Variants in PACRGL observed in about 807,000 individuals in gnomAD.
PACRGL encodes PACRG-like protein.
PACRGL carries 38 observed loss-of-function variants against 34.5 expected under a neutral mutation model. The observed-to-expected ratio is 1.10, with a 90% CI of 0.85 to 1.44. The LOEUF (loss-of-function observed/expected upper bound fraction) is 1.44, where lower values mean the gene tolerates loss of function less well. PACRGL is among the 40% of genes most tolerant of loss of function. The probability of loss-of-function intolerance (pLI) is 0.00; values close to 1 mark genes in which losing one functional copy is unlikely to be tolerated. For synonymous variants in PACRGL, 128 were observed against 100.1 expected (o/e 1.28, Z -1.66); for missense variants, 305 against 281.4 (o/e 1.08, Z -0.60).
chr4:20,715,877 A>G (rs1560332053), intron 7 of PACRGL, among the ~76,000 whole-genome samples: 2 of 152,174 alleles, frequency 1.3e-5, no homozygotes, highest in African/African-American at 4.8e-5. Context: ...AAAAAAACCA[A>G]AAGTCGAATG....
chr4:20,762,040 C>T, the PACRGL span, among the ~76,000 whole-genome samples: 2 of 152,166 alleles, frequency 1.3e-5, no homozygotes, highest in Non-Finnish European at 2.9e-5. Context: ...TTTGTTCAGG[C>T]TCCTTTAACA....
At chr4:20,707,344 A>G (rs1045227998) in intron 3 of PACRGL, among the ~76,000 whole-genome samples, 1 of 152,194 alleles carries the variant, frequency 6.6e-6, no homozygotes, top group Non-Finnish European at 1.5e-5. Context: ...CCCCATCTTC[A>G]ATTCTCTCCC....
intron 8 of PACRGL, among the ~76,000 whole-genome samples, chr4:20,750,271 C>T (rs1273558197): frequency 2.0e-5 from 3 of 152,066 alleles, no homozygotes; most frequent in Non-Finnish European, 4.4e-5. Context: ...GAACTTAGGT[C>T]TTTCTGACTC....
the PACRGL span, among the ~76,000 whole-genome samples, chr4:20,760,058 A>T: frequency 6.6e-6 from 1 of 152,278 alleles, no homozygotes; most frequent in Admixed American, 6.5e-5. Context: ...GGGCGACTAT[A>T]TTTATTGACA....
At chr4:20,698,429 A>G (rs912901144), upstream of PACRGL, among the ~76,000 whole-genome samples, 1 of 152,122 alleles carries the variant, frequency 6.6e-6, no homozygotes, top group African/African-American at 2.4e-5. Context: ...TATTACTCCT[A>G]TCGCCCAACT....
intron 7 of PACRGL, 37 bp from the exon 8 acceptor site, chr4:20,724,771 A>C (rs1014364396): frequency 8.8e-6 from 11 of 1,255,392 alleles, no homozygotes; most frequent in Non-Finnish European, 1.2e-5. Context: ...TGTTAAGTTT[A>C]AAGTCATTTC....
chr4:20,725,095 G>A (rs1745059559), intron 8 of PACRGL, among the ~76,000 whole-genome samples: 1 of 152,114 alleles, frequency 6.6e-6, no homozygotes, highest in Non-Finnish European at 1.5e-5. Context: ...CCAGACTCAG[G>A]TTGAATAAAT....
At chr4:20,757,337 T>C (rs1425790994), downstream of PACRGL, among the ~76,000 whole-genome samples, 1 of 152,194 alleles carries the variant, frequency 6.6e-6, no homozygotes, top group Non-Finnish European at 1.5e-5. Flanking sequence ...TCTCCCTGCC[T>C]GCAGTATTGC....
intron 8 of PACRGL, among the ~76,000 whole-genome samples, chr4:20,739,923 T>C (rs1372169043): frequency 6.6e-6 from 1 of 152,132 alleles, no homozygotes; most frequent in Non-Finnish European, 1.5e-5. Context: ...CTGAAAACCA[T>C]GGCACAAGAA....
At chr4:20,735,119 C>T (rs6447978), downstream of PACRGL, among the ~76,000 whole-genome samples, 49,601 of 151,788 alleles carry the variant, frequency 0.33, 8,562 homozygotes, top group African/African-American at 0.43. Flanking sequence ...AATGAAAAAC[C>T]GTTTGCTAAT....
chr4:20,740,391 C>T (rs1352953588), intron 8 of PACRGL, among the ~76,000 whole-genome samples: 1 of 152,164 alleles, frequency 6.6e-6, no homozygotes, highest in East Asian at 1.9e-4. Flanking sequence ...TCGGCAGAAA[C>T]TTTACAAGCC....
Position 20,731,481 on chromosome 4 carries a change from G to T in PACRGL, c.*4140G>T, listed in dbSNP as rs1007289961. ...GCTACTACCTGGAGTTCTCTTCAGA[G>T]AAAATTTTCCACTGTTTATTTTTTG... On this transcript the variant is annotated 3_prime_UTR_variant, in exon 9 of 9. Transcript: ENST00000503585. 4 of 985,174 alleles carry T rather than the reference G, an allele frequency of 4.1e-6. No homozygotes were observed. The African/African-American group carries it at 7.0e-5, about 17-fold the overall frequency. The allele number at this position is 985,174 out of a possible 1,614,324, so 61.0% of individuals were successfully genotyped here. A position where few individuals can be genotyped will look rare whatever the true frequency, so the allele number is the denominator to read the frequency against.
At chr4:20,706,725 G>A (rs1437789033) in intron 3 of PACRGL, among the ~76,000 whole-genome samples, 13 of 151,860 alleles carry the variant, frequency 8.6e-5, no homozygotes, top group Non-Finnish European at 1.3e-4. Flanking sequence ...ACAGGCACCC[G>A]CCACCATCCT....
At position 20,747,931 on chromosome 4, in the gene PACRGL, A is replaced by G. The variant is rs573040978; in HGVS notation, c.*57-4634A>G. Among the ~76,000 whole-genome samples, 5 of 152,196 alleles carry G rather than the reference A, an allele frequency of 3.3e-5. No individual in the cohort carries two copies. In the South Asian group the frequency reaches 8.3e-4, roughly 25 times the overall value. The stretch of plus-strand genomic sequence containing the variant: ...GCCCATATGAACTTTTCTTTTAAAC[A>G]TGACAGTTCTGTTGGAATACAATTC... On this transcript the variant is annotated intron_variant, in intron 8 of 8. Coordinates refer to the PACRGL transcript ENST00000507634.
Position 20,748,262 on chromosome 4 carries a change from T to C in PACRGL, c.*57-4303T>C, listed in dbSNP as rs114749240. Among the ~76,000 whole-genome samples, 1,053 of 152,206 alleles carry C rather than the reference T, an allele frequency of 6.9e-3. 6 individuals carry two copies. Among genetic ancestry groups the C allele is most frequent in the Non-Finnish European group, 0.011 (770 of 68,008 alleles). On this transcript the variant is annotated intron_variant, in intron 8 of 8. Coordinates refer to the PACRGL transcript ENST00000507634. ...TGTGTATTCTATCTTCTTGATGATT[T>C]ACACGTTTCCCTTGGTTCCCAGGCC...
chr4:20,748,238 G>T (rs1467873192), intron 8 of PACRGL, among the ~76,000 whole-genome samples: 1 of 152,020 alleles, frequency 6.6e-6, no homozygotes, highest in Non-Finnish European at 1.5e-5. Flanking sequence ...CTCTCCAATT[G>T]TGTATTCTAT....
intron 8 of PACRGL, among the ~76,000 whole-genome samples, chr4:20,739,663 G>T (rs1297353034): frequency 6.6e-6 from 1 of 152,198 alleles, no homozygotes; most frequent in African/African-American, 2.4e-5. Context: ...AAGCTGAAAA[G>T]TGTAAAAATC....
chr4:20,702,897 A>G (rs1265744221), intron 1 of PACRGL, among the ~76,000 whole-genome samples: 1 of 152,180 alleles, frequency 6.6e-6, no homozygotes, highest in East Asian at 1.9e-4. Flanking sequence ...GTGGGATGAG[A>G]TAAATGAGAT....
intron 8 of PACRGL, among the ~76,000 whole-genome samples, chr4:20,747,993 A>G (rs1204437681): frequency 6.6e-6 from 1 of 152,152 alleles, no homozygotes; most frequent in Non-Finnish European, 1.5e-5. Context: ...AATTTGTTTC[A>G]TGCTTCACCT....
Sources: allele counts gnomAD v4.1 joint callset (sites outside exome capture counted in the v4.1 genomes callset), GRCh38; gene constraint gnomAD v4.1.1; transcripts MANE v1.5; gene names NCBI Gene and HGNC (gene_info 2026-07-23, HGNC 2026-07-21).